The following TRHDE variants were observed in gnomAD, a reference collection of about 807,000 sequenced individuals.
TRHDE encodes the protein thyrotropin releasing hormone degrading enzyme.
Under a neutral mutation model 125.7 loss-of-function variants are expected in TRHDE, and 72 were observed. That is an observed-to-expected ratio of 0.57 (90% CI 0.47 to 0.70). The LOEUF (loss-of-function observed/expected upper bound fraction) is 0.70. TRHDE is among the 30% of genes least tolerant of loss of function. The pLI, the probability that TRHDE is intolerant of heterozygous loss-of-function variation, is 0.00. For synonymous variants in TRHDE, 509 were observed against 509.1 expected, an observed-to-expected ratio of 1.00 and a Z score of 0.00; for missense variants, 1,110 against 1,327.1, an observed-to-expected ratio of 0.84 and a Z score of 2.54.
At chr12:72,493,072 A>G (rs1440492117) in intron 5 of TRHDE, among the ~76,000 whole-genome samples, 2 of 151,914 alleles carry the variant, frequency 1.3e-5, no homozygotes, top group Non-Finnish European at 2.9e-5. Context: ...GACCTCCTAT[A>G]GAAGAGGGAG....
intron 2 of TRHDE, among the ~76,000 whole-genome samples, chr12:72,266,029 A>C (rs1879060093): frequency 6.6e-6 from 1 of 152,040 alleles, no homozygotes; most frequent in Non-Finnish European, 1.5e-5. Flanking sequence ...TACTGTAATT[A>C]CCTCATTTAA....
At chr12:72,602,936 T>C (rs1194154673) in intron 12 of TRHDE, among the ~76,000 whole-genome samples, 1 of 152,134 alleles carries the variant, frequency 6.6e-6, no homozygotes, top group Non-Finnish European at 1.5e-5. Flanking sequence ...TATTTAAACA[T>C]AAACCAGACT....
At chr12:72,164,623 G>C (rs1876706218) in intron 2 of TRHDE, among the ~76,000 whole-genome samples, 2 of 152,194 alleles carry the variant, frequency 1.3e-5, no homozygotes, top group South Asian at 2.1e-4. Flanking sequence ...CTTACATACA[G>C]TCCAGCAGCA....
intron 3 of TRHDE, among the ~76,000 whole-genome samples, chr12:72,426,379 C>T (rs1282126282): frequency 6.6e-6 from 1 of 151,950 alleles, no homozygotes; most frequent in Non-Finnish European, 1.5e-5. Context: ...TTTAAAACTC[C>T]TAAGAAAAAC....
At chr12:72,177,712 G>C (rs1877018766) in intron 2 of TRHDE, among the ~76,000 whole-genome samples, 2 of 151,958 alleles carry the variant, frequency 1.3e-5, no homozygotes, top group South Asian at 4.1e-4. Flanking sequence ...CTGCACGGCT[G>C]CCTGAAACTT....
intron 3 of TRHDE, among the ~76,000 whole-genome samples, chr12:72,379,286 T>C (rs957986134): frequency 6.6e-6 from 1 of 152,232 alleles, no homozygotes; most frequent in African/African-American, 2.4e-5. Flanking sequence ...TATTACAAAA[T>C]TCTGAAATCT....
chr12:72,260,065 T>C (rs1269279676), intron 2 of TRHDE, among the ~76,000 whole-genome samples: 1 of 152,222 alleles, frequency 6.6e-6, no homozygotes, highest in Non-Finnish European at 1.5e-5. Context: ...CACATCTATA[T>C]ATGCACGTTG....
intron 3 of TRHDE, among the ~76,000 whole-genome samples, chr12:72,432,711 C>T (rs563550409): frequency 6.6e-6 from 1 of 152,114 alleles, no homozygotes; most frequent in East Asian, 1.9e-4. Context: ...GGCATACAGG[C>T]GTCTTGGGTC....
At chr12:72,480,596 T>G (rs184261911) in intron 5 of TRHDE, among the ~76,000 whole-genome samples, 1 of 152,254 alleles carries the variant, frequency 6.6e-6, no homozygotes, top group Admixed American at 6.6e-5. Flanking sequence ...CTTTTACATT[T>G]TTGTAGGAGT....
chr12:72,352,607 G>A (rs1357723106), intron 2 of TRHDE, among the ~76,000 whole-genome samples: 1 of 151,734 alleles, frequency 6.6e-6, no homozygotes, highest in Non-Finnish European at 1.5e-5. Flanking sequence ...TAGGCAGTTT[G>A]TGTGCCACTG....
intron 3 of TRHDE, among the ~76,000 whole-genome samples, chr12:72,456,314 A>C (rs1299496096): frequency 6.6e-6 from 1 of 152,020 alleles, no homozygotes; most frequent in Non-Finnish European, 1.5e-5. Flanking sequence ...CAGGACTGGA[A>C]TATTCCAAAT....
At chr12:72,631,743 C>T (rs1369961308) in intron 15 of TRHDE, among the ~76,000 whole-genome samples, 3 of 151,612 alleles carry the variant, frequency 2.0e-5, no homozygotes, top group Non-Finnish European at 4.4e-5. Flanking sequence ...TTGTTTTGGC[C>T]AAAATAAAAT....
chr12:72,117,426 A>G (rs1296910698), intron 2 of TRHDE, among the ~76,000 whole-genome samples: 3 of 151,968 alleles, frequency 2.0e-5, no homozygotes, highest in African/African-American at 7.2e-5. Flanking sequence ...ATTCTGTTCT[A>G]TTGGTCTATG....
chr12:72,300,851 C>CA (rs1051139824), intron 2 of TRHDE, among the ~76,000 whole-genome samples: 6 of 151,842 alleles, frequency 4.0e-5, no homozygotes, highest in Non-Finnish European at 7.4e-5. Context: ...ATTTGGGTGA[C>CA]AAAAAAATAG....
At chr12:72,375,036 T>C (rs986892259) in intron 2 of TRHDE, among the ~76,000 whole-genome samples, 1 of 151,998 alleles carries the variant, frequency 6.6e-6, no homozygotes, top group Non-Finnish European at 1.5e-5. Context: ...ATGTGGGAGA[T>C]AAAGGGAGGA....
intron 2 of TRHDE, among the ~76,000 whole-genome samples, chr12:72,315,692 C>T (rs994599317): frequency 1.1e-4 from 16 of 152,192 alleles, no homozygotes; most frequent in African/African-American, 3.9e-4. Flanking sequence ...TTGAGGCTGC[C>T]AGGACGCCTG....
chr12:72,559,994 G>T (rs1870101084), intron 7 of TRHDE, among the ~76,000 whole-genome samples: 1 of 151,976 alleles, frequency 6.6e-6, no homozygotes, highest in South Asian at 2.1e-4. Context: ...CATAAATTTT[G>T]TGGAATTAAT....
At chr12:72,369,447 C>A (rs1174219037) in intron 2 of TRHDE, among the ~76,000 whole-genome samples, 1 of 151,878 alleles carries the variant, frequency 6.6e-6, no homozygotes, top group African/African-American at 2.4e-5. Flanking sequence ...TTTGTGTTGT[C>A]AAGGGAAATA....
intron 2 of TRHDE, chr12:72,262,975 TAAAA>T (rs2139395701): frequency 6.6e-6 from 1 of 152,232 alleles, no homozygotes; most frequent in Non-Finnish European, 1.5e-5. Context: ...AGACAGATCA[TAAAA>T]ACCATTTGAT....
Sources: gnomAD v4.1 joint callset for allele counts (sites outside exome capture counted in the v4.1 genomes callset) on GRCh38, gnomAD v4.1.1 for gene constraint, MANE v1.5 for transcripts, NCBI Gene and HGNC (gene_info 2026-07-23, HGNC 2026-07-21) for gene names.